SEC14L6: variants seen among roughly 807,000 people sequenced by gnomAD.
SEC14L6 encodes the protein SEC14-like protein 6.
A neutral mutation model predicts 54.1 loss-of-function variants in SEC14L6; 40 were observed. The observed-to-expected ratio is 0.74, with a 90% CI of 0.57 to 0.96. The LOEUF (loss-of-function observed/expected upper bound fraction) is 0.96. Among genes scored for constraint, SEC14L6 ranks in the 40% least tolerant of loss-of-function variants. The probability of loss-of-function intolerance (pLI) is 0.00; values close to 1 mark genes in which losing one functional copy is unlikely to be tolerated. For missense variants in SEC14L6, 471 were observed against 498.3 expected, an observed-to-expected ratio of 0.95 and a Z score of 0.52; for synonymous variants, 171 against 198.4, an observed-to-expected ratio of 0.86 and a Z score of 1.16.
chr22:30,526,289 C>T (rs903949201), intron 8 of SEC14L6, among the ~76,000 whole-genome samples: 6 of 152,186 alleles, frequency 3.9e-5, no homozygotes, highest in African/African-American at 1.4e-4. Flanking sequence ...GGCTATGACC[C>T]GGTCTTCGCT....
intron 5 of SEC14L6, 93 bp downstream of exon 5, chr22:30,532,432 C>G: frequency 7.3e-7 from 1 of 1,379,264 alleles, no homozygotes; most frequent in Non-Finnish European, 9.7e-7. Flanking sequence ...AGCCGAGGAG[C>G]CCAGGAGCCC....
At chr22:30,525,583 C>T in intron 10 of SEC14L6, 28 bp downstream of exon 10, 1 of 1,609,670 alleles carries the variant, frequency 6.2e-7, no homozygotes, top group Non-Finnish European at 8.5e-7. Context: ...CCAGATGTGC[C>T]CAGGTGTAGA....
intron 2 of SEC14L6, among the ~76,000 whole-genome samples, chr22:30,534,691 T>A (rs1937089983): frequency 6.6e-6 from 1 of 152,106 alleles, no homozygotes. Flanking sequence ...ATTAAAGGTG[T>A]GAGCCACTGT....
At chr22:30,533,554 T>G (rs942877802) in intron 3 of SEC14L6, among the ~76,000 whole-genome samples, 1 of 150,014 alleles carries the variant, frequency 6.7e-6, no homozygotes, top group African/African-American at 2.5e-5. Flanking sequence ...TGAGCTAAGA[T>G]CACGTCATTA....
chr22:30,540,308 C>T, intron 1 of SEC14L6, among the ~76,000 whole-genome samples: 1 of 150,204 alleles, frequency 6.7e-6, no homozygotes, highest in South Asian at 2.1e-4. Flanking sequence ...AGAGGGTTAT[C>T]TCAGGTCTAA....
At chr22:30,539,760 T>G (rs1220640292) in intron 1 of SEC14L6, among the ~76,000 whole-genome samples, 2 of 152,228 alleles carry the variant, frequency 1.3e-5, no homozygotes, top group Non-Finnish European at 2.9e-5. Flanking sequence ...AATGATGGAC[T>G]GTGACTTAGA....
intron 2 of SEC14L6, among the ~76,000 whole-genome samples, chr22:30,538,226 G>C (rs756029816): frequency 6.6e-6 from 1 of 151,904 alleles, no homozygotes; most frequent in Non-Finnish European, 1.5e-5. Flanking sequence ...CTAACTACTC[G>C]GGAGGCTGAG....
chr22:30,527,628 C>T (rs1003155803), intron 8 of SEC14L6, among the ~76,000 whole-genome samples: 3 of 147,170 alleles, frequency 2.0e-5, no homozygotes, highest in African/African-American at 7.6e-5. Context: ...AGTGAGAGGA[C>T]TGCTTGAGCC....
intron 3 of SEC14L6, chr22:30,533,075 G>A (rs898000239): frequency 1.4e-4 from 138 of 985,252 alleles, no homozygotes; most frequent in Non-Finnish European, 1.5e-4. Flanking sequence ...AGGGACAGGG[G>A]AGGCCTGCAC....
chr22:30,529,862 A>T (rs989237601), intron 6 of SEC14L6, among the ~76,000 whole-genome samples: 1 of 152,236 alleles, frequency 6.6e-6, no homozygotes, highest in Non-Finnish European at 1.5e-5. Flanking sequence ...GTTCAGCTTC[A>T]GGAATGAGAG....
chr22:30,543,360 G>A, intron 1 of SEC14L6: 1 of 1,575,276 alleles, frequency 6.3e-7, no homozygotes, highest in Non-Finnish European at 8.7e-7. Context: ...AGCCCATGAG[G>A]GCAGAGAACC....
chr22:30,526,133 G>A (rs1303949667), intron 8 of SEC14L6, among the ~76,000 whole-genome samples: 2 of 152,210 alleles, frequency 1.3e-5, no homozygotes, highest in African/African-American at 4.8e-5. Flanking sequence ...AGCATGTGCT[G>A]TGTTGACTAG....
chr22:30,535,433 C>G (rs1052606013), intron 2 of SEC14L6, among the ~76,000 whole-genome samples: 2 of 152,224 alleles, frequency 1.3e-5, no homozygotes, highest in African/African-American at 4.8e-5. Context: ...TTGATTTCAT[C>G]TGGGCATCAT....
At chr22:30,546,273 C>T (rs748282756) in intron 1 of SEC14L6, among the ~76,000 whole-genome samples, 5 of 151,024 alleles carry the variant, frequency 3.3e-5, no homozygotes, top group Non-Finnish European at 5.9e-5. Context: ...ATCCCAGCTA[C>T]TCCGGAGGCT....
rs1024548703 is a variant in SEC14L6 at position 30,534,054 on chromosome 22, A to C, written c.131-15T>G. On this transcript the variant is annotated splice_polypyrimidine_tract_variant and intron_variant, in intron 2 of 11. Coordinates refer to ENST00000402034, the MANE Select transcript of SEC14L6 (RefSeq NM_001193336.4). Reference sequence around the variant, plus strand: ...AAAGCTCCGAGCTGCAACAAGAGACAGGGTTATGGTTGTGGAATTCTAGAG... The same window carrying C: ...AAAGCTCCGAGCTGCAACAAGAGACCGGGTTATGGTTGTGGAATTCTAGAG... The C allele has an allele frequency of 9.0e-6, 14 of 1,550,702 alleles. No homozygotes were observed. The highest frequency in any genetic ancestry group is 1.0e-5 in the Non-Finnish European group (12 of 1,146,952).
intron 8 of SEC14L6, among the ~76,000 whole-genome samples, chr22:30,528,298 T>A: frequency 6.6e-6 from 1 of 151,764 alleles, no homozygotes; most frequent in Admixed American, 6.6e-5. Context: ...ATTTTTTTTA[T>A]TTTTAGTAGA....
chr22:30,533,227 C>T lies in SEC14L6; in HGVS notation c.175-371G>A, dbSNP rs553538244. ...TACCCCCCTACAAGGCCTGCAGAGC[C>T]TGGCTGATGTGTTGGGGCCACCCTG... On this transcript the variant is annotated intron_variant, in intron 3 of 11. Coordinates refer to ENST00000402034, the MANE Select transcript of SEC14L6 (RefSeq NM_001193336.4). 7.9e-4 allele frequency: 698 copies of T among 887,162 alleles called. 1 individual carries two copies. Among genetic ancestry groups the T allele is most frequent in the Non-Finnish European group, 9.1e-4 (674 of 740,382 alleles). 55.0% of individuals were successfully genotyped at this position (887,162 alleles called of 1,614,324 possible). A position where few individuals can be genotyped will look rare whatever the true frequency, so the allele number is the denominator to read the frequency against.
At chr22:30,532,203 G>A in intron 5 of SEC14L6, 1 of 985,466 alleles carries the variant, frequency 1.0e-6, no homozygotes, top group African/African-American at 1.7e-5. Context: ...TCCATGGGAG[G>A]CCAAATCGCT....
At chr22:30,533,140 A>C in intron 3 of SEC14L6, 3 of 985,280 alleles carry the variant, frequency 3.0e-6, no homozygotes, top group Non-Finnish European at 3.6e-6. Context: ...CCCCTCCCGC[A>C]TGGCTGCCCT....
Sources: allele counts gnomAD v4.1 joint callset (sites outside exome capture counted in the v4.1 genomes callset), GRCh38; gene constraint gnomAD v4.1.1; transcripts MANE v1.5; gene names NCBI Gene and HGNC (gene_info 2026-07-23, HGNC 2026-07-21).